The following GRID1 variants were observed in gnomAD, a reference collection of about 807,000 sequenced individuals.
GRID1 encodes glutamate receptor ionotropic, delta-1.
GRID1 carries 28 observed loss-of-function variants against 98.0 expected under a neutral mutation model. That is an observed-to-expected ratio of 0.29 (90% CI 0.21 to 0.39). The LOEUF (loss-of-function observed/expected upper bound fraction) is 0.39, where lower values mean the gene tolerates loss of function less well. Among genes scored for constraint, GRID1 ranks in the 10% least tolerant of loss-of-function variants. The pLI is 1.00. For missense variants in GRID1, 1,111 were observed against 1,340.5 expected (o/e 0.83, Z 2.67); for synonymous variants, 553 against 538.5 (o/e 1.03, Z -0.37).
chr10:85,860,676 C>T lies in GRID1; in HGVS notation c.952-4486G>A, dbSNP rs544875465. 6.6e-5 allele frequency among the ~76,000 whole-genome samples: 10 copies of T among 152,322 alleles called. No homozygotes were observed. In the South Asian group the frequency reaches 2.1e-3, roughly 32 times the overall value. On this transcript the variant is annotated intron_variant, in intron 6 of 15. Transcript: ENST00000327946. ...AGTGGTCTAATAGGAACAGCAACAG[C>T]TTTGGATTCATTCCAGCCTGGACCA...
chr10:85,785,505 C>T (rs547498425), intron 8 of GRID1, among the ~76,000 whole-genome samples: 6 of 152,292 alleles, frequency 3.9e-5, no homozygotes, highest in Non-Finnish European at 8.8e-5. Flanking sequence ...TTTGGGTTCC[C>T]CTCCATAAGC....
intron 12 of GRID1, among the ~76,000 whole-genome samples, chr10:85,711,030 T>G (rs1414262683): frequency 6.6e-6 from 1 of 152,064 alleles, no homozygotes; most frequent in Non-Finnish European, 1.5e-5. Context: ...CTGGTGGGAA[T>G]GTAAAATGAT....
In GRID1 at chr10:85,926,446, C is replaced by G. The variant is rs80205026; in HGVS notation, c.727-10207G>C. Reference sequence around the variant, plus strand: ...ATTTTGCTTCACTTTAAGACAGCCCCTCTCCAAGCACAAAGCCCCCAAGCA... The same window carrying G: ...ATTTTGCTTCACTTTAAGACAGCCCGTCTCCAAGCACAAAGCCCCCAAGCA... On this transcript the variant is annotated intron_variant, in intron 4 of 15. Coordinates refer to ENST00000327946, the MANE Select transcript of GRID1 (RefSeq NM_017551.3). Among the ~76,000 whole-genome samples the G allele has an allele frequency of 0.015, 2,219 of 152,274 alleles. 110 individuals are homozygous for G. In the East Asian group the frequency reaches 0.15, roughly 11 times the overall value.
At chr10:85,638,762 T>C (rs1442994734) in intron 13 of GRID1, among the ~76,000 whole-genome samples, 1 of 152,170 alleles carries the variant, frequency 6.6e-6, no homozygotes, top group African/African-American at 2.4e-5. Flanking sequence ...TCAATAAATA[T>C]TAACAAAAGA....
chr10:85,762,924 A>G (rs772880770), intron 8 of GRID1, among the ~76,000 whole-genome samples: 1 of 152,208 alleles, frequency 6.6e-6, no homozygotes. Context: ...AACCTAGTCC[A>G]AAGTCACAGC....
intron 12 of GRID1, among the ~76,000 whole-genome samples, chr10:85,712,658 T>C (rs1225995262): frequency 6.6e-6 from 1 of 151,836 alleles, no homozygotes; most frequent in Non-Finnish European, 1.5e-5. Context: ...CTCCAGGATA[T>C]ATTACCTGTT....
chr10:86,181,597 T>TG (rs1845656289), intron 3 of GRID1, among the ~76,000 whole-genome samples: 1 of 152,176 alleles, frequency 6.6e-6, no homozygotes, highest in Admixed American at 6.5e-5. Flanking sequence ...CTGTCCACCC[T>TG]TCCTTGAAGT....
intron 3 of GRID1, among the ~76,000 whole-genome samples, chr10:86,156,745 G>T (rs1032646772): frequency 3.1e-4 from 47 of 152,210 alleles, no homozygotes; most frequent in Non-Finnish European, 6.5e-4. Flanking sequence ...CAGAAGAGAC[G>T]TCTAGAACAA....
intron 4 of GRID1, among the ~76,000 whole-genome samples, chr10:85,975,317 G>A (rs867383663): frequency 6.6e-6 from 1 of 152,186 alleles, no homozygotes; most frequent in African/African-American, 2.4e-5. Context: ...GTGCAGGGTG[G>A]ACAGGGCTTG....
At chr10:86,070,678 C>G (rs752906244) in intron 4 of GRID1, among the ~76,000 whole-genome samples, 1 of 152,206 alleles carries the variant, frequency 6.6e-6, no homozygotes, top group Non-Finnish European at 1.5e-5. Context: ...ACACTTCTTC[C>G]TGGCCCCTCA....
intron 2 of GRID1, among the ~76,000 whole-genome samples, chr10:86,243,620 G>C (rs545489955): frequency 6.6e-6 from 1 of 152,328 alleles, no homozygotes; most frequent in East Asian, 1.9e-4. Flanking sequence ...CCTGGAGAAA[G>C]AGTGTCAATT....
intron 3 of GRID1, among the ~76,000 whole-genome samples, chr10:86,165,080 C>T (rs1283755135): frequency 1.3e-5 from 2 of 152,100 alleles, no homozygotes; most frequent in Non-Finnish European, 2.9e-5. Context: ...CAGACTGTGC[C>T]TGTCAGGACG....
chr10:85,884,732 G>A lies in GRID1; in HGVS notation c.781-15552C>T, dbSNP rs1841087403. Among the ~76,000 whole-genome samples the A allele has an allele frequency of 3.3e-5, 5 of 152,252 alleles. No individual in the cohort carries two copies. The South Asian group carries it at 1.0e-3, about 32-fold the overall frequency. ...AGAGATGATGGTAACTTAAGCTAAG[G>A]TGGCTGCAAATGGTCATCTTTAGAA... is the stretch of plus-strand genomic sequence containing the variant. On this transcript the variant is annotated intron_variant, in intron 5 of 15. Transcript: ENST00000327946.
intron 12 of GRID1, among the ~76,000 whole-genome samples, chr10:85,674,629 A>G (rs1165473929): frequency 1.3e-5 from 2 of 152,176 alleles, no homozygotes; most frequent in African/African-American, 4.8e-5. Flanking sequence ...TCAAGATCAC[A>G]TAGTTAATAT....
chr10:86,059,093 A>T (rs150861414), intron 4 of GRID1, among the ~76,000 whole-genome samples: 94 of 152,320 alleles, frequency 6.2e-4, no homozygotes, highest in Middle Eastern at 3.4e-3. Flanking sequence ...AGGAAGCAGC[A>T]CGTGCAAAGC....
At chr10:86,287,296 G>C (rs1433946688) in intron 2 of GRID1, among the ~76,000 whole-genome samples, 2 of 152,144 alleles carry the variant, frequency 1.3e-5, no homozygotes, top group Non-Finnish European at 2.9e-5. Flanking sequence ...CTCTGAGTCA[G>C]GTCATTGACT....
intron 8 of GRID1, among the ~76,000 whole-genome samples, chr10:85,791,612 A>G (rs986176268): frequency 2.0e-5 from 3 of 152,144 alleles, no homozygotes; most frequent in Admixed American, 2.0e-4. Flanking sequence ...TCCCCAAATC[A>G]TGAGTAAGGG....
intron 4 of GRID1, among the ~76,000 whole-genome samples, chr10:86,010,570 G>A (rs889158285): frequency 6.6e-6 from 1 of 152,122 alleles, no homozygotes; most frequent in Non-Finnish European, 1.5e-5. Flanking sequence ...TATAATCCTA[G>A]CACTTTGGGA....
At chr10:86,063,946 C>T (rs553870802) in intron 4 of GRID1, among the ~76,000 whole-genome samples, 28 of 152,252 alleles carry the variant, frequency 1.8e-4, no homozygotes, top group African/African-American at 5.3e-4. Flanking sequence ...TACAAACCAA[C>T]GCTATTTACT....
Sources: allele counts gnomAD v4.1 joint callset (sites outside exome capture counted in the v4.1 genomes callset), GRCh38; gene constraint gnomAD v4.1.1; transcripts MANE v1.5; gene names NCBI Gene and HGNC (gene_info 2026-07-23, HGNC 2026-07-21).